Variants in SLAIN1 observed in about 807,000 individuals in gnomAD.
The protein encoded by SLAIN1 is SLAIN family member 1, also known as SLAIN motif-containing protein 1.
A neutral mutation model predicts 55.4 loss-of-function variants in SLAIN1; 17 were observed. That is an observed-to-expected ratio of 0.31 (90% CI 0.21 to 0.46). SLAIN1 has a LOEUF of 0.46. Among genes scored for constraint, SLAIN1 ranks in the 20% least tolerant of loss-of-function variants. SLAIN1 has a pLI of 1.00. For synonymous variants in SLAIN1, 348 were observed against 337.4 expected, an observed-to-expected ratio of 1.03 and a Z score of -0.35; for missense variants, 682 against 785.1, an observed-to-expected ratio of 0.87 and a Z score of 1.57.
chr13:77,734,191 TGGTTTATG>T (rs1442927715), intron 2 of SLAIN1, among the ~76,000 whole-genome samples: 1 of 151,990 alleles, frequency 6.6e-6, no homozygotes, highest in African/African-American at 2.4e-5. Flanking sequence ...CCTGCCCTGG[TGGTTTATG>T]GGTTTGGGTC....
chr13:77,733,878 A>C (rs1358617720), intron 2 of SLAIN1, among the ~76,000 whole-genome samples: 1 of 152,154 alleles, frequency 6.6e-6, no homozygotes, highest in African/African-American at 2.4e-5. Flanking sequence ...GATAAGCTGC[A>C]AGCCATATGT....
At chr13:77,702,827 A>G (rs1192078991) in intron 1 of SLAIN1, among the ~76,000 whole-genome samples, 2 of 152,180 alleles carry the variant, frequency 1.3e-5, no homozygotes, top group African/African-American at 2.4e-5. Flanking sequence ...AGAAAATCAG[A>G]GTTTATCACA....
At chr13:77,706,036 C>T (rs2091086011) in intron 1 of SLAIN1, among the ~76,000 whole-genome samples, 1 of 151,996 alleles carries the variant, frequency 6.6e-6, no homozygotes, top group Non-Finnish European at 1.5e-5. Context: ...TTCAAAACTC[C>T]CCTTGTTAGG....
intron 4 of SLAIN1, among the ~76,000 whole-genome samples, chr13:77,747,409 G>T (rs1186439817): frequency 2.0e-5 from 3 of 152,134 alleles, no homozygotes; most frequent in Non-Finnish European, 4.4e-5. Flanking sequence ...GACATAGCTG[G>T]CTCGGAATGA....
In SLAIN1 at chr13:77,751,001, G is replaced by A. The variant is rs564371998; in HGVS notation, c.1259-2202G>A. Among the ~76,000 whole-genome samples the A allele has an allele frequency of 1.1e-4, 17 of 152,192 alleles. No homozygotes were observed. In the East Asian group the frequency reaches 3.3e-3, roughly 29 times the overall value. On this transcript the variant is annotated intron_variant, in intron 4 of 6. Coordinates refer to ENST00000418532, the MANE Select transcript of SLAIN1 (RefSeq NM_001242868.2). ...AAGGGAGCAAAAATTGCTGGACATG[G>A]CAACATTTAATAGGTGTTAGTAATG...
Sources: allele counts gnomAD v4.1 joint callset (sites outside exome capture counted in the v4.1 genomes callset), GRCh38; gene constraint gnomAD v4.1.1; transcripts MANE v1.5; gene names NCBI Gene and HGNC (gene_info 2026-07-23, HGNC 2026-07-21).